Variants in EEIG1 observed in about 807,000 individuals in gnomAD.
The protein encoded by EEIG1 is early estrogen-induced gene 1 protein.
the EEIG1 span, among the ~76,000 whole-genome samples, chr9:127,971,986 C>G: frequency 6.6e-6 from 1 of 152,100 alleles, no homozygotes; most frequent in Non-Finnish European, 1.5e-5. Flanking sequence ...GGCGGGGCCT[C>G]CCATGTACTG....
chr9:127,944,865 G>A, the EEIG1 span: 1,579 of 1,612,446 alleles, frequency 9.8e-4, 10 homozygotes, highest in African/African-American at 0.019. Context: ...CGTCCACCCA[G>A]GTCGGGTGGC....
chr9:127,965,580 C>T, the EEIG1 span, among the ~76,000 whole-genome samples: 1 of 152,192 alleles, frequency 6.6e-6, no homozygotes, highest in Non-Finnish European at 1.5e-5. Context: ...TCTGCCCCTC[C>T]CTCAGCCACG....
At chr9:127,955,910 T>G in the EEIG1 span, among the ~76,000 whole-genome samples, 2 of 152,232 alleles carry the variant, frequency 1.3e-5, no homozygotes, top group African/African-American at 4.8e-5. Flanking sequence ...ACACCGCCCC[T>G]GTCGTGGCTG....
the EEIG1 span, chr9:127,953,535 C>G: frequency 6.2e-7 from 1 of 1,600,982 alleles, no homozygotes; most frequent in Non-Finnish European, 8.6e-7. Context: ...CATGCCACCC[C>G]CCATTCCATC....
the EEIG1 span, among the ~76,000 whole-genome samples, chr9:127,977,232 A>T: frequency 6.6e-6 from 1 of 152,246 alleles, no homozygotes; most frequent in African/African-American, 2.4e-5. Flanking sequence ...TTCAGGTTGC[A>T]TGCAGGACAG....
the EEIG1 span, chr9:127,948,294 G>A: frequency 6.2e-7 from 1 of 1,611,268 alleles, no homozygotes; most frequent in Non-Finnish European, 8.5e-7. Flanking sequence ...AGGACACCCA[G>A]AGTCCCTGTT....
At chr9:127,950,449 T>C in the EEIG1 span, 1 of 1,613,840 alleles carries the variant, frequency 6.2e-7, no homozygotes, top group Non-Finnish European at 8.5e-7. Flanking sequence ...TCCTGGCGAG[T>C]GTTCTTCGTG....
the EEIG1 span, chr9:127,944,957 C>A: frequency 1.8e-4 from 279 of 1,572,182 alleles, 4 homozygotes; most frequent in South Asian, 3.1e-3. Context: ...GGTACAAGCA[C>A]AGAACGACGA....
At chr9:127,974,550 A>G in the EEIG1 span, among the ~76,000 whole-genome samples, 3 of 152,170 alleles carry the variant, frequency 2.0e-5, no homozygotes, top group African/African-American at 7.2e-5. Context: ...TAACTCAGTG[A>G]TGTGCCACAT....
the EEIG1 span, among the ~76,000 whole-genome samples, chr9:127,954,987 G>A: frequency 3.9e-5 from 6 of 152,180 alleles, no homozygotes; most frequent in East Asian, 3.9e-4. Context: ...GGGTGGCAGC[G>A]GCACGTGGCA....
At chr9:127,980,983 G>A in the EEIG1 span, among the ~76,000 whole-genome samples, 1 of 149,302 alleles carries the variant, frequency 6.7e-6, no homozygotes, top group African/African-American at 2.4e-5. Flanking sequence ...GGCGCCGCTT[G>A]GAGAATGCCT....
chr9:127,966,690 A>G, the EEIG1 span, among the ~76,000 whole-genome samples: 1 of 152,248 alleles, frequency 6.6e-6, no homozygotes, highest in African/African-American at 2.4e-5. Context: ...GGCTTTAACC[A>G]AGAATCTCAT....
the EEIG1 span, chr9:127,945,547 T>C: frequency 6.4e-7 from 1 of 1,563,226 alleles, no homozygotes; most frequent in Non-Finnish European, 8.7e-7. This position sits in a 1 kb window ranked among gnomAD's most constrained non-coding sequence, Gnocchi z 6.5. Flanking sequence ...GGAGCGCGAG[T>C]GCTCTGTGCT....
the EEIG1 span, among the ~76,000 whole-genome samples, chr9:127,946,930 A>T: frequency 6.6e-6 from 1 of 152,136 alleles, no homozygotes; most frequent in Non-Finnish European, 1.5e-5. Flanking sequence ...GCCTGGAGGC[A>T]GTCCAAGGCT....
At chr9:127,980,054 G>A in the EEIG1 span, 3 of 1,613,736 alleles carry the variant, frequency 1.9e-6, no homozygotes, top group Non-Finnish European at 2.5e-6. Flanking sequence ...AGAGGACCCC[G>A]TTCACGAAGG....
At chr9:127,970,874 C>G in the EEIG1 span, among the ~76,000 whole-genome samples, 9 of 152,230 alleles carry the variant, frequency 5.9e-5, no homozygotes, top group Non-Finnish European at 8.8e-5. Flanking sequence ...CAGAACCGAG[C>G]CCAGCATCAC....
the EEIG1 span, among the ~76,000 whole-genome samples, chr9:127,972,017 C>A: frequency 6.6e-6 from 1 of 152,108 alleles, no homozygotes; most frequent in East Asian, 1.9e-4. The surrounding 1 kb of genome is among the most constrained non-coding windows in gnomAD (Gnocchi z 4.3). Flanking sequence ...GTCTCTCTCA[C>A]CCACACTCCA....
At chr9:127,959,487 G>A in the EEIG1 span, among the ~76,000 whole-genome samples, 2 of 152,202 alleles carry the variant, frequency 1.3e-5, no homozygotes, top group Admixed American at 6.5e-5. Context: ...AGGGATGGAG[G>A]ATGATATGGT....
At chr9:127,976,306 T>C in the EEIG1 span, among the ~76,000 whole-genome samples, 5 of 152,312 alleles carry the variant, frequency 3.3e-5, 1 homozygote, top group African/African-American at 1.2e-4. The surrounding 1 kb of genome is among the most constrained non-coding windows in gnomAD (Gnocchi z 4.1). Flanking sequence ...CTTCCTCACC[T>C]GTAAGTGGGG....
Sources: gnomAD v4.1 joint callset for allele counts (sites outside exome capture counted in the v4.1 genomes callset) on GRCh38, gnomAD v4.1.1 for gene constraint, Gnocchi (gnomAD v3.1) non-coding constraint, MANE v1.5 for transcripts, NCBI Gene and HGNC (gene_info 2026-07-23, HGNC 2026-07-21) for gene names.